The following CR1L variants were observed in gnomAD, a reference collection of about 807,000 sequenced individuals.
CR1L encodes the protein complement C3b/C4b receptor 1 like.
Under a neutral mutation model 62.3 loss-of-function variants are expected in CR1L, and 59 were observed. That is an observed-to-expected ratio of 0.95 (90% CI 0.77 to 1.18). The LOEUF (loss-of-function observed/expected upper bound fraction) is 1.18. Among genes scored for constraint, CR1L ranks in the 50% most tolerant of loss-of-function variants. The pLI is 0.00. For missense variants in CR1L, 700 were observed against 702.8 expected (o/e 1.00, Z 0.04); for synonymous variants, 279 against 248.7 (o/e 1.12, Z -1.15).
intron 4 of CR1L, among the ~76,000 whole-genome samples, chr1:207,688,907 T>C (rs1309550259): frequency 6.6e-6 from 1 of 152,174 alleles, no homozygotes; most frequent in Admixed American, 6.5e-5. Context: ...ACTTTTAAAT[T>C]GAATAGTTTT....
chr1:207,677,213 T>A (rs1663705804), intron 1 of CR1L, among the ~76,000 whole-genome samples, 176 bp from the exon 2 acceptor site: 1 of 139,144 alleles, frequency 7.2e-6, no homozygotes, highest in South Asian at 2.3e-4. Context: ...TCCCATCTAC[T>A]CAGGAGGCTG....
At chr1:207,671,043 A>G (rs1663608070) in intron 1 of CR1L, among the ~76,000 whole-genome samples, 1 of 151,090 alleles carries the variant, frequency 6.6e-6, no homozygotes, top group Admixed American at 6.6e-5. Flanking sequence ...TCTACTTTTT[A>G]GGAAGCCAGT....
intron 1 of CR1L, among the ~76,000 whole-genome samples, chr1:207,674,915 G>T (rs1663666251): frequency 6.6e-6 from 1 of 151,492 alleles, no homozygotes; most frequent in Non-Finnish European, 1.5e-5. Flanking sequence ...ATCCAAATCA[G>T]CTGTGAAACT....
chr1:207,705,537 G>C (rs1245736442), intron 9 of CR1L, among the ~76,000 whole-genome samples: 1 of 152,244 alleles, frequency 6.6e-6, no homozygotes, highest in East Asian at 1.9e-4. Flanking sequence ...AACAAACACA[G>C]AAAGGAAGCT....
intron 4 of CR1L, among the ~76,000 whole-genome samples, chr1:207,692,322 C>T (rs1664009983): frequency 6.6e-6 from 1 of 152,094 alleles, no homozygotes; most frequent in African/African-American, 2.4e-5. Context: ...TTTTATGTTG[C>T]CTCAGCATCC....
chr1:207,669,178 A>G, intron 1 of CR1L: 1 of 311,200 alleles, frequency 3.2e-6, no homozygotes, highest in South Asian at 3.2e-5. Context: ...CGGAAGCCCA[A>G]GCATTGTCAA....
intron 1 of CR1L, among the ~76,000 whole-genome samples, chr1:207,649,690 G>A (rs2102437775): frequency 6.6e-6 from 1 of 152,288 alleles, no homozygotes; most frequent in Middle Eastern, 3.4e-3. Context: ...TAACTGGAAT[G>A]TATTCTTGGG....
At chr1:207,663,336 G>A (rs920566093) in intron 1 of CR1L, among the ~76,000 whole-genome samples, 7 of 151,890 alleles carry the variant, frequency 4.6e-5, no homozygotes, top group Non-Finnish European at 8.8e-5. Flanking sequence ...CTCAAGCCTC[G>A]GCAATGGTGG....
At chr1:207,683,727 A>G in intron 3 of CR1L, 145 bp from the exon 4 acceptor site, 1 of 629,022 alleles carries the variant, frequency 1.6e-6, no homozygotes, top group Admixed American at 3.2e-5. Context: ...AAGAATGTGA[A>G]ATTTGGGAAG....
chr1:207,658,226 A>G (rs1558011203), intron 1 of CR1L, among the ~76,000 whole-genome samples: 1 of 152,176 alleles, frequency 6.6e-6, no homozygotes. Flanking sequence ...AGAAACTAAA[A>G]AAGAAGAGCA....
In CR1L at chr1:207,697,576, G is replaced by A. The variant is rs769450277; in HGVS notation, c.936G>A (p.Gln312=). Residue 312 remains glutamine, a synonymous_variant, in exon 6 of 12, where the codon CAG becomes CAA. Coordinates refer to ENST00000508064, the MANE Select transcript of CR1L (RefSeq NM_175710.2). The stretch of plus-strand genomic sequence containing the variant: ...ACAAGGACAACTTTTCACCCGGGCA[G>A]GAAGTGTTCTACAGCTGTGAGCCCG... ...QRDKDNFSPG[Q]EVFYSCEPGY... 6.2e-7 allele frequency: 1 copy of A among 1,613,730 alleles called. No homozygotes were observed. Among genetic ancestry groups the A allele is most frequent in the Non-Finnish European group, 8.5e-7 (1 of 1,179,772 alleles).
intron 1 of CR1L, among the ~76,000 whole-genome samples, chr1:207,646,761 G>A (rs1663134034): frequency 2.1e-5 from 3 of 146,050 alleles, no homozygotes; most frequent in South Asian, 2.2e-4. Flanking sequence ...CTTAAATACA[G>A]GCTTATTGTG....
chr1:207,661,145 T>G (rs1173549148), intron 1 of CR1L, among the ~76,000 whole-genome samples: 9 of 152,346 alleles, frequency 5.9e-5, no homozygotes, highest in African/African-American at 2.2e-4. Flanking sequence ...GAGAGTTCTG[T>G]AGATGTCTAT....
chr1:207,695,773 A>G (rs1664092905), intron 5 of CR1L, among the ~76,000 whole-genome samples: 1 of 152,202 alleles, frequency 6.6e-6, no homozygotes, highest in Admixed American at 6.5e-5. Context: ...GCAAAGAGGA[A>G]GCATGTATAT....
At chr1:207,680,944 C>T (rs1007816172) in intron 3 of CR1L, among the ~76,000 whole-genome samples, 8 of 152,190 alleles carry the variant, frequency 5.3e-5, no homozygotes, top group African/African-American at 9.7e-5. Context: ...ACCTTACGTC[C>T]TCCACTTTGG....
chr1:207,687,049 A>G (rs1473686143), intron 4 of CR1L, among the ~76,000 whole-genome samples: 2 of 152,224 alleles, frequency 1.3e-5, no homozygotes, highest in African/African-American at 4.8e-5. Context: ...AGACTAAGAC[A>G]TTGGGCAACC....
intron 11 of CR1L, among the ~76,000 whole-genome samples, chr1:207,722,635 A>G (rs1654163519): frequency 6.6e-6 from 1 of 152,072 alleles, no homozygotes; most frequent in Non-Finnish European, 1.5e-5. Flanking sequence ...GTGATAAAGT[A>G]CCCTTTTTTT....
intron 5 of CR1L, among the ~76,000 whole-genome samples, chr1:207,696,825 A>G (rs1490968975): frequency 1.3e-5 from 2 of 152,148 alleles, no homozygotes; most frequent in African/African-American, 4.8e-5. Flanking sequence ...CCCTTACAAT[A>G]TGTTGTGTGA....
chr1:207,694,288 A>T (rs1664036752), intron 4 of CR1L, 65 bp from the exon 5 acceptor site: 8 of 1,570,992 alleles, frequency 5.1e-6, no homozygotes, highest in Non-Finnish European at 6.1e-6. Flanking sequence ...AAATAGTTAC[A>T]GTTTAGTGAC....
Sources: gnomAD v4.1 joint callset for allele counts (sites outside exome capture counted in the v4.1 genomes callset) on GRCh38, gnomAD v4.1.1 for gene constraint, MANE v1.5 for transcripts, NCBI Gene and HGNC (gene_info 2026-07-23, HGNC 2026-07-21) for gene names.